The following MAGI2 variants were observed in gnomAD, a reference collection of about 807,000 sequenced individuals.
MAGI2 encodes the protein membrane-associated guanylate kinase, WW and PDZ domain-containing protein 2.
MAGI2 carries 35 observed loss-of-function variants against 133.3 expected under a neutral mutation model. The observed-to-expected ratio is 0.26, with a 90% CI of 0.20 to 0.35. The LOEUF is 0.35. Ranked by LOEUF, MAGI2 falls within the 10% of genes least tolerant of loss-of-function variation. The probability of loss-of-function intolerance (pLI) is 1.00; values close to 1 mark genes in which losing one functional copy is unlikely to be tolerated. For missense variants in MAGI2, 1,636 were observed against 1,863.4 expected, an observed-to-expected ratio of 0.88 and a Z score of 2.25; for synonymous variants, 729 against 710.6, an observed-to-expected ratio of 1.03 and a Z score of -0.41.
At chr7:78,757,148 T>A (rs556790308) in intron 2 of MAGI2, among the ~76,000 whole-genome samples, 6 of 152,198 alleles carry the variant, frequency 3.9e-5, no homozygotes, top group Non-Finnish European at 7.3e-5. Flanking sequence ...ACTCCTTGTT[T>A]GCCCATAAGT....
intron 4 of MAGI2, among the ~76,000 whole-genome samples, chr7:78,503,053 T>C (rs1385759892): frequency 6.6e-6 from 1 of 152,004 alleles, no homozygotes; most frequent in Non-Finnish European, 1.5e-5. Flanking sequence ...ATATGATTAC[T>C]TACAAAGAAA....
At chr7:78,388,191 T>G (rs1795576131) in intron 6 of MAGI2, among the ~76,000 whole-genome samples, 1 of 152,150 alleles carries the variant, frequency 6.6e-6, no homozygotes, top group Admixed American at 6.6e-5. Context: ...AATAGAGATA[T>G]AGAGTGCCCT....
At chr7:78,154,191 A>G (rs1824161996) in intron 16 of MAGI2, among the ~76,000 whole-genome samples, 2 of 152,268 alleles carry the variant, frequency 1.3e-5, no homozygotes, top group African/African-American at 4.8e-5. Flanking sequence ...TCCAAAGCCT[A>G]TGGACATCAT....
At chr7:78,355,698 TG>T (rs1423712518) in intron 7 of MAGI2, among the ~76,000 whole-genome samples, 3 of 152,236 alleles carry the variant, frequency 2.0e-5, no homozygotes, top group African/African-American at 7.2e-5. Flanking sequence ...TACTTATGTA[TG>T]TACAGACATG....
chr7:79,306,919 T>C (rs1837864546), intron 1 of MAGI2, among the ~76,000 whole-genome samples: 1 of 152,156 alleles, frequency 6.6e-6, no homozygotes, highest in African/African-American at 2.4e-5. Flanking sequence ...GTTCAAGCAG[T>C]TCCCCTGCCT....
Position 78,127,335 on chromosome 7 carries a change from C to T in MAGI2, c.3285G>A (p.Pro1095=), listed in dbSNP as rs1441158775. 7.4e-6 allele frequency: 12 copies of T among 1,610,922 alleles called. No individual in the cohort carries two copies. Among genetic ancestry groups the T allele is most frequent in the South Asian group, 1.1e-5 (1 of 91,034 alleles). The change falls in exon 19 of 22, where the codon CCG becomes CCA. Residue 1095 remains proline (P), a synonymous_variant. Transcript: ENST00000354212. ...CTCCTGGGGGTTGCCTGTAATCCAGCGGGGGCTGCCTGTAGTCTGTGAATG... is the reference window on the plus strand; with the variant it reads ...CTCCTGGGGGTTGCCTGTAATCCAGTGGGGGCTGCCTGTAGTCTGTGAATG... ...QPPFTDYRQP[P]LDYRQPPGGD...
intron 1 of MAGI2, chr7:79,353,889 G>A: frequency 5.5e-6 from 1 of 182,042 alleles, no homozygotes; most frequent in South Asian, 1.1e-4. Flanking sequence ...CATAGTTCTG[G>A]GCACAGCCCT....
chr7:78,669,162 A>G (rs758934635), intron 2 of MAGI2, among the ~76,000 whole-genome samples: 1 of 152,188 alleles, frequency 6.6e-6, no homozygotes, highest in Non-Finnish European at 1.5e-5. Flanking sequence ...AACAAAATTG[A>G]TAGACCGATA....
intron 1 of MAGI2, among the ~76,000 whole-genome samples, chr7:79,100,098 A>G (rs754028589): frequency 2.7e-5 from 4 of 150,428 alleles, no homozygotes; most frequent in Non-Finnish European, 5.9e-5. Flanking sequence ...ATATTATTCC[A>G]TTTTATGCTT....
chr7:78,826,224 GGC>G (rs1790624272), intron 2 of MAGI2, among the ~76,000 whole-genome samples: 1 of 151,782 alleles, frequency 6.6e-6, no homozygotes. Context: ...TGTGGTGGCA[GGC>G]GCCTGTAGTC....
At chr7:79,408,793 T>C (rs1845971353) in intron 1 of MAGI2, among the ~76,000 whole-genome samples, 1 of 152,054 alleles carries the variant, frequency 6.6e-6, no homozygotes, top group Non-Finnish European at 1.5e-5. Flanking sequence ...AACCCATAGG[T>C]TATTCATATA....
intron 2 of MAGI2, among the ~76,000 whole-genome samples, chr7:78,731,958 C>G (rs7789893): frequency 0.097 from 14,762 of 151,954 alleles, 843 homozygotes; most frequent in East Asian, 0.23. Flanking sequence ...GGCCAACATT[C>G]CAGGCTTGAA....
intron 1 of MAGI2, among the ~76,000 whole-genome samples, chr7:79,252,044 C>A (rs980648164): frequency 8.6e-5 from 13 of 150,500 alleles, no homozygotes; most frequent in African/African-American, 3.2e-4. Flanking sequence ...ATGGTTCCAG[C>A]TATTCATGAT....
At chr7:78,668,778 C>T (rs543078230) in intron 2 of MAGI2, among the ~76,000 whole-genome samples, 31 of 151,516 alleles carry the variant, frequency 2.0e-4, no homozygotes, top group Admixed American at 1.4e-3. Flanking sequence ...CACTCAAAAC[C>T]GCTCAACTAC....
chr7:79,389,169 C>G (rs1344473247), intron 1 of MAGI2, among the ~76,000 whole-genome samples: 4 of 151,968 alleles, frequency 2.6e-5, no homozygotes, highest in Admixed American at 2.0e-4. Flanking sequence ...CTTCTATCCA[C>G]ATATCCTTAA....
At chr7:78,448,011 C>T (rs1193408704) in intron 6 of MAGI2, among the ~76,000 whole-genome samples, 2 of 152,082 alleles carry the variant, frequency 1.3e-5, no homozygotes, top group Non-Finnish European at 2.9e-5. Flanking sequence ...TAAGTTAGAT[C>T]ACACAGGTGA....
chr7:78,984,696 C>T (rs1805083877), intron 2 of MAGI2, among the ~76,000 whole-genome samples: 1 of 151,914 alleles, frequency 6.6e-6, no homozygotes, highest in Non-Finnish European at 1.5e-5. Context: ...CCTTCATCCA[C>T]ACCCACACTA....
chr7:78,883,814 A>G (rs1026429353), intron 2 of MAGI2, among the ~76,000 whole-genome samples: 2 of 152,182 alleles, frequency 1.3e-5, no homozygotes, highest in Non-Finnish European at 2.9e-5. Context: ...GCAGAAGAAT[A>G]AAACTGGACG....
chr7:78,916,401 C>T (rs1294263236), intron 2 of MAGI2, among the ~76,000 whole-genome samples: 2 of 151,900 alleles, frequency 1.3e-5, no homozygotes, highest in Non-Finnish European at 2.9e-5. Flanking sequence ...GTTCTAGGCA[C>T]TATTATAAGT....
Sources: allele counts gnomAD v4.1 joint callset (sites outside exome capture counted in the v4.1 genomes callset), GRCh38; gene constraint gnomAD v4.1.1; transcripts MANE v1.5; gene names NCBI Gene and HGNC (gene_info 2026-07-23, HGNC 2026-07-21).